NPHP4: variants seen among roughly 807,000 people sequenced by gnomAD.
The protein encoded by NPHP4 is nephrocystin-4.
In NPHP4, 151 loss-of-function variants were observed where a neutral mutation model predicts 155.8. That is an observed-to-expected ratio of 0.97 (90% confidence interval 0.85 to 1.11). The LOEUF is 1.11. Among genes scored for constraint, NPHP4 ranks in the 50% least tolerant of loss-of-function variants. NPHP4 has a pLI of 0.00. For missense variants in NPHP4, 1,956 were observed against 1,925.7 expected (o/e 1.02, Z -0.29); for synonymous variants, 845 against 816.8 (o/e 1.03, Z -0.59).
chr1:5,961,686 G>A, intron 6 of NPHP4, 108 bp downstream of exon 6: 1 of 1,021,836 alleles, frequency 9.8e-7, no homozygotes, highest in Non-Finnish European at 1.5e-6. Context: ...AGCTGCAGAG[G>A]GGCGCTCGGC....
intron 9 of NPHP4, among the ~76,000 whole-genome samples, chr1:5,946,472 A>G (rs1647103191): frequency 6.6e-6 from 1 of 152,220 alleles, no homozygotes; most frequent in Non-Finnish European, 1.5e-5. Context: ...TTAGCGATTC[A>G]ATAATCATGA....
rs1036557189 is a variant in NPHP4 at position 5,969,078 on chromosome 1, G to A, written c.452+9C>T. 2.6e-6 allele frequency: 4 copies of A among 1,539,818 alleles called. No individual in the cohort carries two copies. Among genetic ancestry groups the A allele is most frequent in the African/African-American group, 2.8e-5 (2 of 72,662 alleles). ...GAAAACCCCAGGGTTGTAGAAACAA[G>A]GCAGGTACCTTTTGTCCTGGGAAGC... On this transcript the variant is annotated intron_variant, in intron 4 of 29. Transcript: ENST00000378156.
chr1:5,877,476 T>G, intron 19 of NPHP4, 178 bp from the exon 20 acceptor site: 1 of 445,316 alleles, frequency 2.2e-6, no homozygotes, highest in Non-Finnish European at 4.0e-6. Context: ...GATAACTTTA[T>G]ACCCTGGTTT....
chr1:5,905,804 C>T lies in NPHP4; in HGVS notation c.1612-21G>A. On this transcript the variant is annotated intron_variant, in intron 13 of 29. Transcript: ENST00000378156. This position sits in a 1 kb window ranked among gnomAD's most constrained non-coding sequence, Gnocchi z 4.0. ...TCCTGCTGAACAAAACGAGGGCTTCCAAGTGAGGCCACCAAGGACCCCAAC... is the reference window on the plus strand; with the variant it reads ...TCCTGCTGAACAAAACGAGGGCTTCTAAGTGAGGCCACCAAGGACCCCAAC... The T allele has an allele frequency of 1.3e-6, 2 of 1,586,262 alleles. No individual in the cohort carries two copies. The highest frequency in any genetic ancestry group is 1.7e-6 in the Non-Finnish European group (2 of 1,165,320).
At position 5,867,364 on chromosome 1, in the gene NPHP4, G is replaced by T; in HGVS notation, c.3473-249C>A. 1 of 547,046 alleles carries T rather than the reference G, an allele frequency of 1.8e-6. No homozygotes were observed. Among genetic ancestry groups the T allele is most frequent in the East Asian group, 3.0e-5 (1 of 33,438 alleles). 33.9% of individuals were successfully genotyped at this position (547,046 alleles called of 1,614,324 possible). A position where few individuals can be genotyped will look rare whatever the true frequency, so the allele number is the denominator to read the frequency against. ...ATCTCCACAGGGAATAATCGAGGGG[G>T]CCACAAAAAAGAAAACACAGCTCCC... On this transcript the variant is annotated intron_variant, in intron 24 of 29. Transcript: ENST00000378156. This position sits in a 1 kb window ranked among gnomAD's most constrained non-coding sequence, Gnocchi z 4.1.
In NPHP4 at chr1:5,880,154, G is replaced by A; in HGVS notation, c.2571C>T (p.Arg857=). 1 of 1,613,740 alleles carries A rather than the reference G, an allele frequency of 6.2e-7. No individual in the cohort carries two copies. The highest frequency in any genetic ancestry group is 8.5e-7 in the Non-Finnish European group (1 of 1,179,766). ...SRVISNDGAS[R]FSGGSLLTTG... ...TCGTGAGGAGGCTGCCTCCAGAGAA[G>A]CGGCTGGCTCCATCGTTTGAGATGA... The change falls in exon 19 of 30, where the codon CGC becomes CGT. Residue 857 remains arginine, a synonymous_variant. Coordinates refer to ENST00000378156, the MANE Select transcript of NPHP4 (RefSeq NM_015102.5).
chr1:5,945,175 G>T (rs1043379020), intron 9 of NPHP4, among the ~76,000 whole-genome samples: 12 of 152,172 alleles, frequency 7.9e-5, no homozygotes, highest in African/African-American at 2.9e-4. Context: ...AAGACACTGA[G>T]AGTGAGGCGC....
chr1:5,959,603 C>A (rs1312105749), intron 6 of NPHP4, among the ~76,000 whole-genome samples: 1 of 152,198 alleles, frequency 6.6e-6, no homozygotes, highest in African/African-American at 2.4e-5. Flanking sequence ...GTGATGACTA[C>A]CCCTCCGGCT....
intron 3 of NPHP4, among the ~76,000 whole-genome samples, chr1:5,973,914 G>A (rs1182405611): frequency 6.6e-6 from 1 of 152,190 alleles, no homozygotes; most frequent in African/African-American, 2.4e-5. Context: ...GCTGGGACAC[G>A]AAGCCAGCTT....
chr1:5,921,204 G>C (rs1254375329), intron 11 of NPHP4, among the ~76,000 whole-genome samples: 12 of 152,196 alleles, frequency 7.9e-5, no homozygotes, highest in Admixed American at 7.9e-4. Flanking sequence ...GATACGCATA[G>C]ATCTATTTCA....
Position 5,867,649 on chromosome 1 carries a change from A to AGCCATGAG in NPHP4, c.3472+83_3472+90dup. ...CTGCTCTGACAGCACCAGGGCATGA[A>AGCCATGAG]GCCATGAGGCCATCTGTCACCCTCA... On this transcript the variant is annotated intron_variant, in intron 24 of 29. Transcript: ENST00000378156. This position sits in a 1 kb window ranked among gnomAD's most constrained non-coding sequence, Gnocchi z 4.1. 7.4e-7 allele frequency: 1 copy of AGCCATGAG among 1,351,690 alleles called. No homozygotes were observed. The highest frequency in any genetic ancestry group is 1.3e-5 in the South Asian group (1 of 78,388). 83.7% of individuals were successfully genotyped at this position (1,351,690 alleles called of 1,614,324 possible). A position where few individuals can be genotyped will look rare whatever the true frequency, so the allele number is the denominator to read the frequency against.
intron 16 of NPHP4, among the ~76,000 whole-genome samples, chr1:5,903,586 C>T (rs1262108260): frequency 1.3e-5 from 2 of 151,994 alleles, no homozygotes; most frequent in Non-Finnish European, 2.9e-5. Flanking sequence ...TCAATCTATT[C>T]GTTTACAATG....
intron 11 of NPHP4, among the ~76,000 whole-genome samples, chr1:5,911,116 C>T (rs913572935): frequency 2.0e-5 from 3 of 152,230 alleles, no homozygotes; most frequent in African/African-American, 7.2e-5. Flanking sequence ...CTAGCAAGCT[C>T]TGCTTCCCCA....
chr1:5,878,429 C>A (rs1283220130), intron 19 of NPHP4, among the ~76,000 whole-genome samples: 1 of 152,212 alleles, frequency 6.6e-6, no homozygotes, highest in African/African-American at 2.4e-5. Context: ...CTGGGGCCTG[C>A]GCAAGTTGGG....
intron 2 of NPHP4, among the ~76,000 whole-genome samples, chr1:5,982,280 GTAA>G (rs1043786504): frequency 1.4e-4 from 21 of 152,210 alleles, no homozygotes; most frequent in African/African-American, 5.1e-4. Flanking sequence ...CCTTAAGATT[GTAA>G]TATTATATTT....
intron 11 of NPHP4, among the ~76,000 whole-genome samples, chr1:5,915,229 TGG>T (rs1645411872): frequency 6.6e-6 from 1 of 152,054 alleles, no homozygotes; most frequent in Non-Finnish European, 1.5e-5. Context: ...CCTTGGGCCT[TGG>T]GGGTAGACTG....
intron 12 of NPHP4, 90 bp downstream of exon 12, chr1:5,909,062 G>C: frequency 9.3e-7 from 1 of 1,079,886 alleles, no homozygotes; most frequent in South Asian, 1.3e-5. Flanking sequence ...AGCACGCAGG[G>C]ATCCACTGTG....
intron 26 of NPHP4, 52 bp from the exon 27 acceptor site, chr1:5,865,325 C>T: frequency 6.9e-7 from 1 of 1,440,856 alleles, no homozygotes; most frequent in Non-Finnish European, 9.2e-7. Context: ...TCAGCACCGG[C>T]CCACGAGAGG....
chr1:5,965,754 C>T (rs1197886753), intron 5 of NPHP4, among the ~76,000 whole-genome samples: 5 of 152,160 alleles, frequency 3.3e-5, no homozygotes, highest in Admixed American at 1.3e-4. Context: ...GACTCCATCG[C>T]TGCTGCTGCC....
Sources: gnomAD v4.1 joint callset for allele counts (sites outside exome capture counted in the v4.1 genomes callset) on GRCh38, gnomAD v4.1.1 for gene constraint, Gnocchi (gnomAD v3.1) non-coding constraint, MANE v1.5 for transcripts, NCBI Gene and HGNC (gene_info 2026-07-23, HGNC 2026-07-21) for gene names.